Variants in TENM3 observed in about 807,000 individuals in gnomAD.
TENM3 encodes teneurin transmembrane protein 3, also known as teneurin-3.
In TENM3, 63 loss-of-function variants were observed where a neutral mutation model predicts 255.1. The observed-to-expected ratio is 0.25, with a 90% CI of 0.20 to 0.30. The LOEUF is 0.30. Ranked by LOEUF, TENM3 falls within the 10% of genes least tolerant of loss-of-function variation. The probability of loss-of-function intolerance (pLI) is 1.00; values close to 1 mark genes in which losing one functional copy is unlikely to be tolerated. For missense variants in TENM3, 2,929 were observed against 3,461.1 expected, an observed-to-expected ratio of 0.85 and a Z score of 3.86; for synonymous variants, 1,306 against 1,322.3, an observed-to-expected ratio of 0.99 and a Z score of 0.27.
chr4:181,648,446 G>C, the TENM3 span, among the ~76,000 whole-genome samples: 1 of 152,196 alleles, frequency 6.6e-6, no homozygotes, highest in South Asian at 2.1e-4. Context: ...AAAAAAAGTG[G>C]TATTTAGCTA....
the TENM3 span, among the ~76,000 whole-genome samples, chr4:182,049,126 T>C: frequency 6.6e-6 from 1 of 152,124 alleles, no homozygotes; most frequent in Admixed American, 6.5e-5. Context: ...TGCTGGCTTC[T>C]GTGTGTGTCT....
At chr4:182,209,462 A>T (rs1579727727) in intron 1 of TENM3, among the ~76,000 whole-genome samples, 1 of 150,954 alleles carries the variant, frequency 6.6e-6, no homozygotes, top group African/African-American at 2.4e-5. Flanking sequence ...GGCTGCCAAG[A>T]CTCCTGCTGG....
chr4:182,310,514 C>T (rs1420838487), intron 1 of TENM3, among the ~76,000 whole-genome samples: 1 of 152,176 alleles, frequency 6.6e-6, no homozygotes, highest in Non-Finnish European at 1.5e-5. Flanking sequence ...AAAGAGTAGG[C>T]TCATTCCCAG....
chr4:181,673,361 A>T, the TENM3 span, among the ~76,000 whole-genome samples: 57 of 152,178 alleles, frequency 3.7e-4, no homozygotes, highest in Admixed American at 1.0e-3. Flanking sequence ...CTCAGAATAT[A>T]CGTTTTATAA....
the TENM3 span, among the ~76,000 whole-genome samples, chr4:181,643,847 C>T: frequency 2.6e-5 from 4 of 151,994 alleles, no homozygotes; most frequent in African/African-American, 4.8e-5. Context: ...GAGGCCAAGG[C>T]GGGCAGATCA....
At chr4:181,705,680 A>G in the TENM3 span, among the ~76,000 whole-genome samples, 4 of 152,236 alleles carry the variant, frequency 2.6e-5, no homozygotes, top group African/African-American at 9.6e-5. Context: ...TAGATGCAGC[A>G]AACCACCATG....
the TENM3 span, among the ~76,000 whole-genome samples, chr4:181,799,351 G>A: frequency 6.6e-6 from 1 of 152,352 alleles, no homozygotes; most frequent in East Asian, 1.9e-4. Context: ...AGAATATAAT[G>A]TCAAATGCAT....
chr4:182,749,002 A>G (rs921067319), intron 19 of TENM3, among the ~76,000 whole-genome samples: 5 of 152,204 alleles, frequency 3.3e-5, no homozygotes, highest in Non-Finnish European at 7.3e-5. Context: ...CTTCCCCACT[A>G]GGATAAAACT....
At chr4:181,968,572 G>T in the TENM3 span, among the ~76,000 whole-genome samples, 1 of 152,232 alleles carries the variant, frequency 6.6e-6, no homozygotes, top group South Asian at 2.1e-4. Flanking sequence ...CTGATGAAAA[G>T]CATCTAGAAT....
rs1759507482 is a variant in TENM3 at position 182,719,423 on chromosome 4, T to TG, written c.2368+5191dup. On this transcript the variant is annotated intron_variant, in intron 13 of 27. Coordinates refer to ENST00000511685, the MANE Select transcript of TENM3 (RefSeq NM_001080477.4). ...ACTATAGGCGCCCACCACCACGCCC[T>TG]GCTAATTTTTGTATTTTTAGTAGAG... 2.0e-5 allele frequency among the ~76,000 whole-genome samples: 3 copies of TG among 151,458 alleles called. 1 individual carries two copies. Among genetic ancestry groups the TG allele is most frequent in the Non-Finnish European group, 4.4e-5 (3 of 67,858 alleles).
At chr4:182,786,419 G>A (rs752719502) in intron 24 of TENM3, among the ~76,000 whole-genome samples, 2 of 152,114 alleles carry the variant, frequency 1.3e-5, no homozygotes, top group Non-Finnish European at 2.9e-5. Context: ...TTAGCAAGGT[G>A]TGGTGGCACA....
chr4:181,693,630 A>C, the TENM3 span, among the ~76,000 whole-genome samples: 2 of 152,072 alleles, frequency 1.3e-5, no homozygotes, highest in Admixed American at 1.3e-4. Context: ...GCAGCTCACA[A>C]CTTGGATCCT....
chr4:181,878,120 T>C, the TENM3 span, among the ~76,000 whole-genome samples: 3 of 152,186 alleles, frequency 2.0e-5, no homozygotes, highest in Admixed American at 1.3e-4. Context: ...CCATTCTAGT[T>C]GTCTGCTCAG....
the TENM3 span, among the ~76,000 whole-genome samples, chr4:181,907,488 A>C: frequency 2.0e-5 from 3 of 152,196 alleles, no homozygotes; most frequent in African/African-American, 7.2e-5. Flanking sequence ...GCTTGTCTGC[A>C]GGCCAGGACA....
intron 1 of TENM3, among the ~76,000 whole-genome samples, chr4:182,305,646 C>G (rs1371939726): frequency 6.6e-6 from 1 of 152,236 alleles, no homozygotes; most frequent in Non-Finnish European, 1.5e-5. Context: ...AGTTCTCTTT[C>G]CCGGTTACAC....
In TENM3 at chr4:182,694,964, A is replaced by G. The variant is rs1757287818; in HGVS notation, c.2221+6613A>G. Among the ~76,000 whole-genome samples the G allele has an allele frequency of 3.3e-5, 5 of 152,230 alleles. No homozygotes were observed. The South Asian group carries it at 1.0e-3, about 31-fold the overall frequency. On this transcript the variant is annotated intron_variant, in intron 12 of 27. Coordinates refer to ENST00000511685, the MANE Select transcript of TENM3 (RefSeq NM_001080477.4). ...ATTTGAAAATAAAATGACCACTCTG[A>G]TAAGTGCTTCACTTAAATTACAAAA...
At chr4:181,458,914 A>G in the TENM3 span, among the ~76,000 whole-genome samples, 2 of 152,002 alleles carry the variant, frequency 1.3e-5, no homozygotes, top group Non-Finnish European at 2.9e-5. Context: ...ATGAGTAAAT[A>G]CCTAGAGAGT....
At chr4:181,476,733 T>G in the TENM3 span, among the ~76,000 whole-genome samples, 1 of 152,216 alleles carries the variant, frequency 6.6e-6, no homozygotes, top group Non-Finnish European at 1.5e-5. Context: ...ACGTTTCCAA[T>G]GAGCTGGTGA....
chr4:182,407,735 A>G (rs949104984), intron 3 of TENM3, among the ~76,000 whole-genome samples: 1 of 152,242 alleles, frequency 6.6e-6, no homozygotes, highest in African/African-American at 2.4e-5. Context: ...TGTTCAAGAT[A>G]TATTGCATCA....
Sources: allele counts gnomAD v4.1 joint callset (sites outside exome capture counted in the v4.1 genomes callset), GRCh38; gene constraint gnomAD v4.1.1; transcripts MANE v1.5; gene names NCBI Gene and HGNC (gene_info 2026-07-23, HGNC 2026-07-21).